WDR70: variants seen among roughly 807,000 people sequenced by gnomAD.
The protein encoded by WDR70 is WD repeat domain 70.
WDR70 carries 53 observed loss-of-function variants against 88.6 expected under a neutral mutation model. The observed-to-expected ratio is 0.60, with a 90% CI of 0.48 to 0.75. The LOEUF (loss-of-function observed/expected upper bound fraction) is 0.75. Ranked by LOEUF, WDR70 falls within the 30% of genes least tolerant of loss-of-function variation. The probability of loss-of-function intolerance (pLI) is 0.00; values close to 1 mark genes in which losing one functional copy is unlikely to be tolerated. For missense variants in WDR70, 610 were observed against 823.2 expected, an observed-to-expected ratio of 0.74 and a Z score of 3.17; for synonymous variants, 280 against 270.0, an observed-to-expected ratio of 1.04 and a Z score of -0.36.
At chr5:37,743,927 C>T (rs75271155) in intron 17 of WDR70, among the ~76,000 whole-genome samples, 5,161 of 152,230 alleles carry the variant, frequency 0.034, 107 homozygotes, top group Non-Finnish European at 0.045. Flanking sequence ...CAAAGTGCTT[C>T]GTTAAATGGG....
intron 5 of WDR70, among the ~76,000 whole-genome samples, chr5:37,429,522 A>T (rs1474448966): frequency 6.6e-6 from 1 of 152,118 alleles, no homozygotes; most frequent in Admixed American, 6.5e-5. Flanking sequence ...GTATGGTGTA[A>T]GGAAAGGATT....
chr5:37,750,716 C>T (rs1278542542), intron 17 of WDR70, among the ~76,000 whole-genome samples: 6 of 152,186 alleles, frequency 3.9e-5, no homozygotes, highest in Non-Finnish European at 7.3e-5. Context: ...CACACACTCT[C>T]TTGTCTGCTG....
At chr5:37,533,697 G>T (rs1430366642) in intron 9 of WDR70, among the ~76,000 whole-genome samples, 2 of 152,146 alleles carry the variant, frequency 1.3e-5, no homozygotes, top group Admixed American at 6.5e-5. Flanking sequence ...TGTGGGGGAT[G>T]GGGGTGTGGT....
At chr5:37,471,725 A>G (rs563065844) in intron 7 of WDR70, among the ~76,000 whole-genome samples, 8 of 152,100 alleles carry the variant, frequency 5.3e-5, no homozygotes, top group South Asian at 4.1e-4. Context: ...AAGTTTAGAT[A>G]TATTACTTTT....
At chr5:37,657,391 G>T (rs927942029) in intron 10 of WDR70, among the ~76,000 whole-genome samples, 3 of 152,138 alleles carry the variant, frequency 2.0e-5, no homozygotes, top group Non-Finnish European at 4.4e-5. Context: ...CCCACCTTCT[G>T]CATTGATCTC....
At chr5:37,499,198 C>G (rs1740321813) in intron 8 of WDR70, among the ~76,000 whole-genome samples, 1 of 151,794 alleles carries the variant, frequency 6.6e-6, no homozygotes, top group African/African-American at 2.4e-5. Flanking sequence ...ACTGCAACCT[C>G]CACTCCCCAG....
chr5:37,442,583 G>A (rs6874588), intron 6 of WDR70, among the ~76,000 whole-genome samples: 130,014 of 152,034 alleles, frequency 0.86, 59,197 homozygotes, highest in East Asian at 1. Context: ...TTGGCCTCCC[G>A]AAGTGCTGGG....
At chr5:37,646,504 T>G (rs541561447) in intron 10 of WDR70, among the ~76,000 whole-genome samples, 6 of 152,312 alleles carry the variant, frequency 3.9e-5, no homozygotes, top group Non-Finnish European at 5.9e-5. Flanking sequence ...TATCCTTTTC[T>G]TTTAAATTGA....
chr5:37,469,006 A>G lies in WDR70; in HGVS notation c.687-10828A>G, dbSNP rs1250454792. 3.3e-5 allele frequency among the ~76,000 whole-genome samples: 5 copies of G among 152,316 alleles called. No individual in the cohort carries two copies. In the East Asian group the frequency reaches 7.7e-4, roughly 23 times the overall value. On this transcript the variant is annotated intron_variant, in intron 7 of 17. Coordinates refer to ENST00000265107, the MANE Select transcript of WDR70 (RefSeq NM_018034.4). ...TACTGAGGGCTGACTGTATAGTCCT[A>G]TCCTCACAGAACTTTGATTCTAATG... is the stretch of plus-strand genomic sequence containing the variant.
intron 17 of WDR70, among the ~76,000 whole-genome samples, chr5:37,743,246 G>A (rs1748538319): frequency 6.6e-6 from 1 of 152,216 alleles, no homozygotes; most frequent in East Asian, 1.9e-4. Context: ...GAGTGAACAC[G>A]CTATCCAGCT....
chr5:37,506,378 A>G, intron 8 of WDR70: 1 of 795,464 alleles, frequency 1.3e-6, no homozygotes, highest in Non-Finnish European at 2.3e-6. Flanking sequence ...TAATGCCATC[A>G]TTTACAATGA....
At chr5:37,514,268 C>T (rs36186847) in intron 8 of WDR70, among the ~76,000 whole-genome samples, 83,520 of 141,414 alleles carry the variant, frequency 0.59, 26,095 homozygotes, top group Non-Finnish European at 0.69. Flanking sequence ...ATTGTTCTGC[C>T]TCAGCCTCCC....
At chr5:37,512,093 T>C (rs1177576172) in intron 8 of WDR70, among the ~76,000 whole-genome samples, 2 of 152,202 alleles carry the variant, frequency 1.3e-5, no homozygotes, top group Non-Finnish European at 2.9e-5. Flanking sequence ...AAGAATGCCC[T>C]TTCTTGCCTT....
intron 9 of WDR70, among the ~76,000 whole-genome samples, chr5:37,544,415 C>T (rs1741925573): frequency 1.3e-5 from 2 of 152,130 alleles, no homozygotes; most frequent in Admixed American, 1.3e-4. Context: ...GTATAGTGTT[C>T]TTAGGAATAC....
intron 13 of WDR70, among the ~76,000 whole-genome samples, chr5:37,716,591 GGGAAAGTTACCACTCTCTACAGCCTCA>G (rs1382272397): frequency 3.3e-5 from 5 of 152,206 alleles, no homozygotes; most frequent in Non-Finnish European, 7.4e-5. Flanking sequence ...ATGTGACCTT[GGGAAAGTTACCACTCTCTACAGCCTCA>G]GTTTCTTCAT....
At chr5:37,403,723 T>A (rs896790071) in intron 5 of WDR70, among the ~76,000 whole-genome samples, 12 of 152,118 alleles carry the variant, frequency 7.9e-5, no homozygotes, top group Non-Finnish European at 1.0e-4. Context: ...TTTAAAAAAA[T>A]TAATTTTTTT....
At chr5:37,542,781 T>C (rs1741867879) in intron 9 of WDR70, among the ~76,000 whole-genome samples, 2 of 152,088 alleles carry the variant, frequency 1.3e-5, no homozygotes, top group African/African-American at 4.8e-5. Context: ...AAAGATACAT[T>C]TTTGGGACAG....
At chr5:37,738,944 A>G (rs1748384725) in intron 17 of WDR70, among the ~76,000 whole-genome samples, 1 of 152,248 alleles carries the variant, frequency 6.6e-6, no homozygotes, top group African/African-American at 2.4e-5. Flanking sequence ...AAAATAAAAC[A>G]AAAAACCTTT....
chr5:37,592,081 T>C (rs1173013476), intron 9 of WDR70, among the ~76,000 whole-genome samples: 2 of 152,208 alleles, frequency 1.3e-5, no homozygotes, highest in Non-Finnish European at 2.9e-5. Flanking sequence ...ATATCTATTA[T>C]CCAAAATGTC....
Sources: allele counts gnomAD v4.1 joint callset (sites outside exome capture counted in the v4.1 genomes callset), GRCh38; gene constraint gnomAD v4.1.1; transcripts MANE v1.5; gene names NCBI Gene and HGNC (gene_info 2026-07-23, HGNC 2026-07-21).